MAGI2: variants seen among roughly 807,000 people sequenced by gnomAD.
MAGI2 encodes membrane associated guanylate kinase, WW and PDZ domain containing 2, also known as membrane-associated guanylate kinase, WW and PDZ domain-containing protein 2.
In MAGI2, 35 loss-of-function variants were observed where a neutral mutation model predicts 133.3. That is an observed-to-expected ratio of 0.26 (90% CI 0.20 to 0.35). MAGI2 has a LOEUF of 0.35. Among genes scored for constraint, MAGI2 ranks in the 10% least tolerant of loss-of-function variants. The pLI, the probability that MAGI2 is intolerant of heterozygous loss-of-function variation, is 1.00. For missense variants in MAGI2, 1,636 were observed against 1,863.4 expected (o/e 0.88, Z 2.25); for synonymous variants, 729 against 710.6 (o/e 1.03, Z -0.41).
chr7:79,115,867 T>TTTTTTG (rs1819360744), intron 1 of MAGI2, among the ~76,000 whole-genome samples: 1 of 149,110 alleles, frequency 6.7e-6, no homozygotes, highest in African/African-American at 2.5e-5. Flanking sequence ...TTTTTTTTTT[T>TTTTTTG]TTTTTTTTTT....
At chr7:78,545,428 G>T (rs1798753947) in intron 3 of MAGI2, among the ~76,000 whole-genome samples, 1 of 151,856 alleles carries the variant, frequency 6.6e-6, no homozygotes, top group Non-Finnish European at 1.5e-5. Context: ...GGTCAGGCTG[G>T]TCTCAAACTC....
At chr7:79,034,056 C>A (rs1810887133) in intron 1 of MAGI2, among the ~76,000 whole-genome samples, 1 of 152,104 alleles carries the variant, frequency 6.6e-6, no homozygotes, top group African/African-American at 2.4e-5. Context: ...TTGAGACACA[C>A]TATCCTAGTT....
At chr7:78,087,491 C>A (rs182827528) in intron 20 of MAGI2, among the ~76,000 whole-genome samples, 5 of 150,834 alleles carry the variant, frequency 3.3e-5, no homozygotes, top group Non-Finnish European at 7.4e-5. Flanking sequence ...ATCATAATAA[C>A]GGTAGAAGAG....
chr7:79,164,546 TC>T (rs988187044), intron 1 of MAGI2, among the ~76,000 whole-genome samples: 1 of 151,964 alleles, frequency 6.6e-6, no homozygotes, highest in African/African-American at 2.4e-5. Context: ...TCATCTATTG[TC>T]TCTAAGGGCA....
At chr7:78,421,888 G>C (rs1362086096) in intron 6 of MAGI2, among the ~76,000 whole-genome samples, 1 of 152,112 alleles carries the variant, frequency 6.6e-6, no homozygotes, top group Admixed American at 6.6e-5. Flanking sequence ...TTGTGAGACA[G>C]TCTTATATTC....
rs535780214 is a variant in MAGI2 at position 79,119,289 on chromosome 7, C to T, written c.302-112083G>A. Among the ~76,000 whole-genome samples the T allele has an allele frequency of 6.6e-5, 10 of 152,152 alleles. No individual in the cohort carries two copies. The South Asian group carries it at 2.1e-3, about 32-fold the overall frequency. On this transcript the variant is annotated intron_variant, in intron 1 of 21. Coordinates refer to ENST00000354212, the MANE Select transcript of MAGI2 (RefSeq NM_012301.4). ...GTGAGTTTATAATTATTTTCCAGGA[C>T]ACGTTTCAAAGCAACAGCATTTCAA...
chr7:78,340,813 A>ATCTC, intron 9 of MAGI2, among the ~76,000 whole-genome samples: 1 of 152,300 alleles, frequency 6.6e-6, no homozygotes, highest in East Asian at 1.9e-4. Context: ...ATCTCAAAAT[A>ATCTC]ATAAGAGCTA....
At chr7:79,223,608 G>A (rs1020049216) in intron 1 of MAGI2, among the ~76,000 whole-genome samples, 1 of 151,944 alleles carries the variant, frequency 6.6e-6, no homozygotes, top group African/African-American at 2.4e-5. Context: ...TGAGAGAATC[G>A]CCTGAGCCCA....
chr7:79,449,060 A>T (rs1849054218), intron 1 of MAGI2, among the ~76,000 whole-genome samples: 1 of 152,168 alleles, frequency 6.6e-6, no homozygotes, highest in Non-Finnish European at 1.5e-5. Context: ...TTTATTAAAC[A>T]ACACTATTCA....
intron 2 of MAGI2, among the ~76,000 whole-genome samples, chr7:78,838,395 T>G (rs182923208): frequency 1.1e-3 from 169 of 152,142 alleles, no homozygotes; most frequent in African/African-American, 3.7e-3. Context: ...ATCATACATA[T>G]CACTGTTACA....
At chr7:79,264,066 A>G (rs1430103629) in intron 1 of MAGI2, among the ~76,000 whole-genome samples, 1 of 152,186 alleles carries the variant, frequency 6.6e-6, no homozygotes, top group African/African-American at 2.4e-5. Context: ...TAGAAAGAAA[A>G]GTAGAAAATA....
chr7:78,897,913 G>A (rs1023794528), intron 2 of MAGI2, among the ~76,000 whole-genome samples: 1 of 152,088 alleles, frequency 6.6e-6, no homozygotes. Context: ...CAACCTACAG[G>A]GTGGGACAAA....
Position 79,186,088 on chromosome 7 carries a change from C to T in MAGI2, c.302-178882G>A, listed in dbSNP as rs865931312. On this transcript the variant is annotated intron_variant, in intron 1 of 21. Coordinates refer to ENST00000354212, the MANE Select transcript of MAGI2 (RefSeq NM_012301.4). ...AAAAATGTGCATAGACACATATATA[C>T]ACATGTGTAGACATACAAAGACCAA... Among the ~76,000 whole-genome samples the T allele has an allele frequency of 5.0e-4, 76 of 151,044 alleles. 5 individuals carry two copies. Among genetic ancestry groups the T allele is most frequent in the African/African-American group, 1.8e-3 (76 of 41,084 alleles).
intron 3 of MAGI2, among the ~76,000 whole-genome samples, chr7:78,573,302 T>TTA (rs1210455268): frequency 8.6e-5 from 3 of 34,870 alleles, no homozygotes; most frequent in Non-Finnish European, 1.4e-4. Context: ...ATATATATAT[T>TTA]TATATATATA....
chr7:78,528,750 A>G (rs1194025088), intron 3 of MAGI2, among the ~76,000 whole-genome samples: 3 of 152,168 alleles, frequency 2.0e-5, no homozygotes, highest in Non-Finnish European at 2.9e-5. Context: ...ATCATGTCAT[A>G]TGTAGTTAGC....
rs1276851076 is a variant in MAGI2 at position 79,453,444 on chromosome 7, C to G, written c.-124G>C. 10 of 1,489,674 alleles carry G rather than the reference C, an allele frequency of 6.7e-6. No homozygotes were observed. In the East Asian group the frequency reaches 1.8e-4, roughly 27 times the overall value. 92.3% of individuals were successfully genotyped at this position (1,489,674 alleles called of 1,614,324 possible). A position where few individuals can be genotyped will look rare whatever the true frequency, so the allele number is the denominator to read the frequency against. On this transcript the variant is annotated 5_prime_UTR_variant, in exon 1 of 22. Transcript: ENST00000354212. ...GAACAGCAGACTTTGCCTTCGCCCC[C>G]CTCTATTCGGTGCTTTCCCTCTTCT...
intron 2 of MAGI2, among the ~76,000 whole-genome samples, chr7:78,704,258 A>C (rs1818374472): frequency 6.6e-6 from 1 of 152,084 alleles, no homozygotes; most frequent in Non-Finnish European, 1.5e-5. Context: ...GTGAGCAAAA[A>C]ACAGGAACAG....
At chr7:78,203,310 C>G (rs1258740896) in intron 10 of MAGI2, among the ~76,000 whole-genome samples, 1 of 152,190 alleles carries the variant, frequency 6.6e-6, no homozygotes, top group African/African-American at 2.4e-5. Flanking sequence ...GTGCTCTCAT[C>G]TCCACATGAG....
intron 2 of MAGI2, among the ~76,000 whole-genome samples, chr7:78,965,792 G>C (rs1258729485): frequency 2.0e-5 from 3 of 152,024 alleles, no homozygotes; most frequent in Non-Finnish European, 4.4e-5. Flanking sequence ...AGCAGAACTT[G>C]AGCTTTTAAA....
Sources: gnomAD v4.1 joint callset for allele counts (sites outside exome capture counted in the v4.1 genomes callset) on GRCh38, gnomAD v4.1.1 for gene constraint, MANE v1.5 for transcripts, NCBI Gene and HGNC (gene_info 2026-07-23, HGNC 2026-07-21) for gene names.